The following AHI1 variants were observed in gnomAD, a reference collection of about 807,000 sequenced individuals.
AHI1 encodes the protein Abelson helper integration site 1, also known as jouberin.
AHI1 carries 123 observed loss-of-function variants against 149.3 expected under a neutral mutation model. The observed-to-expected ratio is 0.82, with a 90% CI of 0.71 to 0.96. The LOEUF (loss-of-function observed/expected upper bound fraction) is 0.96, where lower values mean the gene tolerates loss of function less well. AHI1 is among the 40% of genes least tolerant of loss of function. The pLI, the probability that AHI1 is intolerant of heterozygous loss-of-function variation, is 0.00. For synonymous variants in AHI1, 475 were observed against 459.8 expected, an observed-to-expected ratio of 1.03 and a Z score of -0.42; for missense variants, 1,439 against 1,422.7, an observed-to-expected ratio of 1.01 and a Z score of -0.18.
intron 13 of AHI1, among the ~76,000 whole-genome samples, 167 bp downstream of exon 13, chr6:135,446,841 C>T (rs1787314347): frequency 6.6e-6 from 1 of 152,124 alleles, no homozygotes; most frequent in Non-Finnish European, 1.5e-5. Context: ...ATGCTAGGCA[C>T]TCTATTATTA....
chr6:135,429,816 T>A, intron 18 of AHI1, 66 bp downstream of exon 18: 1 of 994,648 alleles, frequency 1.0e-6, no homozygotes, highest in Non-Finnish European at 1.5e-6. Context: ...CCGAATTTTA[T>A]AAATATAATT....
At chr6:135,314,560 T>G (rs533840198) in intron 26 of AHI1, among the ~76,000 whole-genome samples, 4 of 152,270 alleles carry the variant, frequency 2.6e-5, no homozygotes, top group Non-Finnish European at 5.9e-5. Context: ...ATCAAATTCC[T>G]GCCAATCCTC....
chr6:135,433,265 G>C lies in AHI1; in HGVS notation c.2037-9C>G. 1 of 1,568,528 alleles carries C rather than the reference G, an allele frequency of 6.4e-7. No individual in the cohort carries two copies. Among genetic ancestry groups the C allele is most frequent in the Non-Finnish European group, 8.8e-7 (1 of 1,141,770 alleles). ...TTTCATTTTTCCATATCCTGGAAAA[G>C]GATAAGAAGTTACATATTGCTTCTG... is the stretch of plus-strand genomic sequence containing the variant. On this transcript the variant is annotated splice_polypyrimidine_tract_variant and intron_variant, in intron 15 of 28. Transcript: ENST00000265602.
At chr6:135,396,277 C>T (rs892066164) in intron 22 of AHI1, among the ~76,000 whole-genome samples, 2 of 151,816 alleles carry the variant, frequency 1.3e-5, no homozygotes, top group Middle Eastern at 3.4e-3. Context: ...TCAAAACTGA[C>T]CAGTTATAGT....
chr6:135,383,226 C>CTTTTTT lies in AHI1; in HGVS notation c.3109+11544_3109+11549dup, dbSNP rs764546253. 1.7e-3 allele frequency among the ~76,000 whole-genome samples: 134 copies of CTTTTTT among 76,852 alleles called. 28 individuals carry two copies. The highest frequency in any genetic ancestry group is 6.5e-3 in the African/African-American group (98 of 15,028). The allele number at this position is 76,852 out of a possible 152,430, so 50.4% of individuals were successfully genotyped here. A position where few individuals can be genotyped will look rare whatever the true frequency, so the allele number is the denominator to read the frequency against. On this transcript the variant is annotated intron_variant, in intron 23 of 28. Coordinates refer to ENST00000265602, the MANE Select transcript of AHI1 (RefSeq NM_001134831.2). The stretch of plus-strand genomic sequence containing the variant: ...GATTGATTCCTTCCTTCCCCCCTCC[C>CTTTTTT]TTTTTTTTTTTTTTTTTTTTTGAGA...
intron 13 of AHI1, among the ~76,000 whole-genome samples, chr6:135,446,729 T>C (rs891548085): frequency 6.6e-6 from 1 of 152,190 alleles, no homozygotes; most frequent in South Asian, 2.1e-4. Flanking sequence ...GAAATAAATG[T>C]CTGCTGTTTA....
chr6:135,457,780 C>A, intron 8 of AHI1, 67 bp from the exon 9 acceptor site: 1 of 1,421,176 alleles, frequency 7.0e-7, no homozygotes, highest in Non-Finnish European at 9.9e-7. Flanking sequence ...TACATATAAC[C>A]TAATCTTTAA....
chr6:135,336,144 T>G (rs1041579460), intron 24 of AHI1, among the ~76,000 whole-genome samples: 4 of 151,332 alleles, frequency 2.6e-5, no homozygotes, highest in African/African-American at 9.7e-5. Flanking sequence ...AAATTCCATA[T>G]TTATAAATAC....
intron 24 of AHI1, among the ~76,000 whole-genome samples, chr6:135,352,710 T>C (rs1397827525): frequency 4.9e-5 from 7 of 142,150 alleles, no homozygotes; most frequent in Admixed American, 2.8e-4. Context: ...TGTATATATA[T>C]ATACACACAC....
chr6:135,347,024 C>T (rs755391322), intron 24 of AHI1, among the ~76,000 whole-genome samples: 12 of 152,232 alleles, frequency 7.9e-5, no homozygotes, highest in Non-Finnish European at 1.5e-4. Flanking sequence ...GTTCTATCCA[C>T]TAGCCTCAGA....
chr6:135,315,008 C>T (rs1026194564), intron 26 of AHI1, among the ~76,000 whole-genome samples: 11 of 152,160 alleles, frequency 7.2e-5, no homozygotes, highest in Admixed American at 5.9e-4. Context: ...AGATTGTAAT[C>T]CATATCTAGT....
At chr6:135,391,561 T>C (rs946763711) in intron 23 of AHI1, among the ~76,000 whole-genome samples, 1 of 152,082 alleles carries the variant, frequency 6.6e-6, no homozygotes, top group Non-Finnish European at 1.5e-5. Flanking sequence ...GGACCCCTGA[T>C]CTAGGGAATA....
chr6:135,466,284 GC>G lies in AHI1; in HGVS notation c.278del (p.Ser93ThrfsTer9), dbSNP rs760234340. ...TCAATTTGTTTTTAGTGACTCTCGT[GC>G]TCTTCTTCAGGTTGTTAGTGTTAGC... ...SAANTNNLKK[S>X]TRVTKNKLRN... On this transcript the variant is annotated frameshift_variant, in exon 7 of 29. Transcript: ENST00000265602. LOFTEE classifies it high-confidence loss of function. The G allele has an allele frequency of 1.2e-6, 2 of 1,613,862 alleles. No homozygotes were observed. Among genetic ancestry groups the G allele is most frequent in the Non-Finnish European group, 1.7e-6 (2 of 1,179,840 alleles).
chr6:135,363,900 C>G (rs1307296335), intron 23 of AHI1, among the ~76,000 whole-genome samples: 2 of 149,218 alleles, frequency 1.3e-5, no homozygotes, highest in Admixed American at 1.3e-4. Context: ...GGGCTGACCC[C>G]CCCCACCTCC....
At chr6:135,358,472 C>T (rs1394290424) in intron 23 of AHI1, among the ~76,000 whole-genome samples, 1 of 152,194 alleles carries the variant, frequency 6.6e-6, no homozygotes. Context: ...TCAAAAATTA[C>T]ACCATTATCT....
At chr6:135,364,563 C>T (rs1340194297) in intron 23 of AHI1, among the ~76,000 whole-genome samples, 8 of 150,816 alleles carry the variant, frequency 5.3e-5, no homozygotes, top group Admixed American at 1.3e-4. Context: ...GAGGTTGTAG[C>T]GAGCCGAGAT....
rs1470475373 is a variant in AHI1, at chr6:135,411,283, T to C, written c.2961+65A>G. 2.1e-6 allele frequency: 3 copies of C among 1,407,910 alleles called. No homozygotes were observed. The East Asian group carries it at 6.9e-5, about 32-fold the overall frequency. The allele number at this position is 1,407,910 out of a possible 1,614,324, so 87.2% of individuals were successfully genotyped here. A position where few individuals can be genotyped will look rare whatever the true frequency, so the allele number is the denominator to read the frequency against. Reference sequence around the variant, plus strand: ...CTTACTTCATTAAATGAATATTTATTGGCATGGCAATGTAAAACAGGATAG... The same window carrying C: ...CTTACTTCATTAAATGAATATTTATCGGCATGGCAATGTAAAACAGGATAG... On this transcript the variant is annotated intron_variant, in intron 21 of 28. Transcript: ENST00000265602.
intron 8 of AHI1, among the ~76,000 whole-genome samples, chr6:135,458,354 A>C (rs1789306556): frequency 6.6e-6 from 1 of 152,210 alleles, no homozygotes; most frequent in Admixed American, 6.5e-5. Context: ...GTGATTCCAC[A>C]GGACTAAAAT....
At chr6:135,315,477 T>C (rs1217602621) in intron 26 of AHI1, among the ~76,000 whole-genome samples, 1 of 152,162 alleles carries the variant, frequency 6.6e-6, no homozygotes, top group Non-Finnish European at 1.5e-5. Context: ...TGGATAATCC[T>C]CTATGGTGCA....
Sources: allele counts gnomAD v4.1 joint callset (sites outside exome capture counted in the v4.1 genomes callset), GRCh38; gene constraint gnomAD v4.1.1; transcripts MANE v1.5; gene names NCBI Gene and HGNC (gene_info 2026-07-23, HGNC 2026-07-21).